Variants in ANKRD44 observed in about 807,000 individuals in gnomAD.
The protein encoded by ANKRD44 is serine/threonine-protein phosphatase 6 regulatory ankyrin repeat subunit B.
Under a neutral mutation model 116.0 loss-of-function variants are expected in ANKRD44, and 35 were observed. That is an observed-to-expected ratio of 0.30 (90% confidence interval 0.23 to 0.40). The LOEUF (loss-of-function observed/expected upper bound fraction) is 0.40, where lower values mean the gene tolerates loss of function less well. Among genes scored for constraint, ANKRD44 ranks in the 10% least tolerant of loss-of-function variants. ANKRD44 has a pLI of 1.00. For synonymous variants in ANKRD44, 435 were observed against 461.8 expected (o/e 0.94, Z 0.74); for missense variants, 1,014 against 1,242.6 (o/e 0.82, Z 2.77).
chr2:197,168,170 G>C (rs1021997245), intron 2 of ANKRD44, among the ~76,000 whole-genome samples: 2 of 152,152 alleles, frequency 1.3e-5, no homozygotes, highest in Admixed American at 6.5e-5. Flanking sequence ...GCCCCCATCT[G>C]TCAAGTCACC....
intron 1 of ANKRD44, among the ~76,000 whole-genome samples, chr2:197,228,386 T>C (rs1358615087): frequency 6.6e-6 from 1 of 152,194 alleles, no homozygotes; most frequent in Admixed American, 6.5e-5. Flanking sequence ...TCACGAGCTC[T>C]CCCTCCTGAC....
chr2:196,998,441 G>A, intron 24 of ANKRD44, 22 bp from the exon 25 acceptor site: 1 of 1,586,190 alleles, frequency 6.3e-7, no homozygotes, highest in South Asian at 1.1e-5. Context: ...GCCCAAAAGA[G>A]GGTTACTTAG....
intron 2 of ANKRD44, among the ~76,000 whole-genome samples, chr2:197,156,858 T>C (rs2079830861): frequency 6.6e-6 from 1 of 152,210 alleles, no homozygotes. Flanking sequence ...GTACATATTG[T>C]ATAAATCCAC....
Position 197,203,910 on chromosome 2 carries a change from C to T in ANKRD44, c.28-16804G>A, listed in dbSNP as rs1036447787. On this transcript the variant is annotated intron_variant, in intron 1 of 27. Coordinates refer to ENST00000282272, the MANE Select transcript of ANKRD44 (RefSeq NM_001195144.2). The surrounding 1 kb of genome is among the most constrained non-coding windows in gnomAD (Gnocchi z 4.1). ...TGATTCCATTTATATGAAATAGCCA[C>T]ACATAGAAACAGAAAGCTGATTAGC... 1.3e-5 allele frequency among the ~76,000 whole-genome samples: 2 copies of T among 152,152 alleles called. No individual in the cohort carries two copies. Among genetic ancestry groups the T allele is most frequent in the Non-Finnish European group, 2.9e-5 (2 of 68,036 alleles).
chr2:197,003,031 G>A (rs1212767652), intron 21 of ANKRD44, among the ~76,000 whole-genome samples: 1 of 152,272 alleles, frequency 6.6e-6, no homozygotes, highest in East Asian at 1.9e-4. Flanking sequence ...CAGTGGCTGG[G>A]CATGGTGGCT....
intron 16 of ANKRD44, among the ~76,000 whole-genome samples, chr2:197,046,275 A>G (rs139972594): frequency 1.4e-3 from 218 of 152,228 alleles, no homozygotes; most frequent in African/African-American, 5.1e-3. Flanking sequence ...ATTCACGATG[A>G]TTTCCTGATG....
At chr2:196,967,796 T>C (rs2075684602) in intron 21 of ANKRD44, among the ~76,000 whole-genome samples, 1 of 152,184 alleles carries the variant, frequency 6.6e-6, no homozygotes, top group Non-Finnish European at 1.5e-5. Context: ...TGCTATCTTC[T>C]CGATATAGTT....
intron 1 of ANKRD44, among the ~76,000 whole-genome samples, chr2:197,252,985 G>A (rs1449903595): frequency 6.6e-6 from 1 of 152,156 alleles, no homozygotes; most frequent in African/African-American, 2.4e-5. Context: ...CACAGATCAC[G>A]TGGCATCCAC....
chr2:197,233,153 C>G (rs2081905441), intron 1 of ANKRD44, among the ~76,000 whole-genome samples: 2 of 152,286 alleles, frequency 1.3e-5, no homozygotes, highest in South Asian at 4.1e-4. Context: ...CCAATTCTGA[C>G]CCTGTCACTT....
chr2:197,206,409 C>T (rs1272846890), intron 1 of ANKRD44, among the ~76,000 whole-genome samples: 4 of 152,158 alleles, frequency 2.6e-5, no homozygotes, highest in East Asian at 3.9e-4. Context: ...TAAGGCAAGG[C>T]GTAGTGGCTC....
intron 16 of ANKRD44, among the ~76,000 whole-genome samples, chr2:197,033,033 A>G (rs1432758120): frequency 1.7e-4 from 26 of 151,678 alleles, no homozygotes; most frequent in Admixed American, 1.7e-3. Flanking sequence ...GGACGGCTGG[A>G]TATAAGGTGG....
chr2:197,021,230 C>T (rs1021662660), intron 17 of ANKRD44, among the ~76,000 whole-genome samples: 5 of 152,182 alleles, frequency 3.3e-5, no homozygotes, highest in Admixed American at 6.5e-5. Flanking sequence ...CAAGTCTTTG[C>T]TATTGTAAAT....
intron 16 of ANKRD44, among the ~76,000 whole-genome samples, chr2:197,047,453 C>A (rs557893701): frequency 3.0e-4 from 45 of 152,156 alleles, no homozygotes; most frequent in Non-Finnish European, 5.1e-4. Flanking sequence ...AGTAATGAAA[C>A]GGTTTGTCCA....
chr2:197,221,507 T>C (rs2081586601), intron 1 of ANKRD44, among the ~76,000 whole-genome samples: 1 of 152,200 alleles, frequency 6.6e-6, no homozygotes, highest in South Asian at 2.1e-4. Context: ...TCTTTTTTAA[T>C]GTAATATTTT....
chr2:197,007,223 T>C (rs926222365), intron 20 of ANKRD44, among the ~76,000 whole-genome samples: 4 of 152,028 alleles, frequency 2.6e-5, no homozygotes, highest in Admixed American at 6.6e-5. Context: ...CAGGTAATCA[T>C]TGAAATAAAC....
intron 14 of ANKRD44, among the ~76,000 whole-genome samples, chr2:197,082,758 A>AAGC (rs2077827860): frequency 1.3e-5 from 2 of 152,208 alleles, no homozygotes. Flanking sequence ...GCCCTTCCTT[A>AAGC]AGCTTCTAAG....
At chr2:197,047,294 A>T (rs1241463575) in intron 16 of ANKRD44, among the ~76,000 whole-genome samples, 1 of 152,182 alleles carries the variant, frequency 6.6e-6, no homozygotes, top group Non-Finnish European at 1.5e-5. Context: ...TGCTGAGATG[A>T]CAGGCGTGAG....
intron 21 of ANKRD44, among the ~76,000 whole-genome samples, chr2:196,976,283 C>T (rs913844320): frequency 6.6e-6 from 1 of 151,924 alleles, no homozygotes; most frequent in African/African-American, 2.4e-5. Context: ...ACTACAGGCA[C>T]CAGCCACCAC....
At chr2:197,141,017 G>A (rs895371722) in intron 3 of ANKRD44, among the ~76,000 whole-genome samples, 3 of 152,106 alleles carry the variant, frequency 2.0e-5, no homozygotes, top group Non-Finnish European at 4.4e-5. Context: ...AGGAGTTCGA[G>A]GCCAACCTGG....
Sources: allele counts gnomAD v4.1 joint callset (sites outside exome capture counted in the v4.1 genomes callset), GRCh38; gene constraint gnomAD v4.1.1; non-coding constraint Gnocchi (gnomAD v3.1); transcripts MANE v1.5; gene names NCBI Gene and HGNC (gene_info 2026-07-23, HGNC 2026-07-21).